Variants in OXR1 observed in about 807,000 individuals in gnomAD.
The protein encoded by OXR1 is oxidation resistance protein 1.
Under a neutral mutation model 104.6 loss-of-function variants are expected in OXR1, and 41 were observed. The observed-to-expected ratio is 0.39, with a 90% CI of 0.31 to 0.51. OXR1 has a LOEUF of 0.51. OXR1 is among the 20% of genes least tolerant of loss of function. OXR1 has a pLI of 0.77. For missense variants in OXR1, 955 were observed against 1,031.9 expected, an observed-to-expected ratio of 0.93 and a Z score of 1.02; for synonymous variants, 348 against 348.4, an observed-to-expected ratio of 1.00 and a Z score of 0.01.
At chr8:106,355,297 T>C (rs1815916489) in intron 1 of OXR1, among the ~76,000 whole-genome samples, 1 of 152,144 alleles carries the variant, frequency 6.6e-6, no homozygotes, top group Non-Finnish European at 1.5e-5. Flanking sequence ...TGGAGATTTG[T>C]GTTAAGATTA....
intron 1 of OXR1, among the ~76,000 whole-genome samples, chr8:106,278,018 T>G (rs747197072): frequency 3.3e-5 from 5 of 152,210 alleles, no homozygotes; most frequent in Non-Finnish European, 7.3e-5. Context: ...TGTTACTGTT[T>G]GGCCCCAAAG....
At chr8:106,408,942 C>T (rs537949016) in intron 2 of OXR1, among the ~76,000 whole-genome samples, 2 of 152,232 alleles carry the variant, frequency 1.3e-5, no homozygotes, top group South Asian at 4.2e-4. Context: ...GAACGTCAGG[C>T]ACGCGGATGA....
chr8:106,535,249 G>C (rs1814417862), intron 3 of OXR1, among the ~76,000 whole-genome samples: 1 of 152,094 alleles, frequency 6.6e-6, no homozygotes, highest in African/African-American at 2.4e-5. Context: ...ATAACAGCAG[G>C]CTGGCTCCCC....
intron 3 of OXR1, among the ~76,000 whole-genome samples, chr8:106,645,679 T>G (rs572619926): frequency 6.6e-6 from 1 of 152,264 alleles, no homozygotes; most frequent in East Asian, 1.9e-4. Flanking sequence ...TTGGGCTGAT[T>G]CACCTGGGGA....
intron 2 of OXR1, among the ~76,000 whole-genome samples, chr8:106,403,622 T>C (rs1417529633): frequency 4.6e-5 from 7 of 152,234 alleles, no homozygotes; most frequent in African/African-American, 1.7e-4. Context: ...TCCTTGAGCC[T>C]TTGAATTTTT....
At chr8:106,720,767 T>A in intron 11 of OXR1, 1 of 874,618 alleles carries the variant, frequency 1.1e-6, no homozygotes, top group Non-Finnish European at 1.4e-6. Flanking sequence ...CTTTGAACTT[T>A]GTCTTCTTCA....
intron 3 of OXR1, among the ~76,000 whole-genome samples, chr8:106,583,708 A>C (rs1818419199): frequency 6.6e-6 from 1 of 152,164 alleles, no homozygotes; most frequent in Admixed American, 6.5e-5. Flanking sequence ...TACAGTGTGG[A>C]ACTCCTGAAA....
intron 2 of OXR1, among the ~76,000 whole-genome samples, chr8:106,429,639 G>A (rs1415988781): frequency 1.4e-5 from 2 of 140,922 alleles, no homozygotes; most frequent in South Asian, 2.2e-4. Flanking sequence ...CAGCCTGGGC[G>A]ACAGAGCAAG....
chr8:106,304,198 C>A (rs772896601), intron 1 of OXR1, among the ~76,000 whole-genome samples: 1 of 152,076 alleles, frequency 6.6e-6, no homozygotes, highest in Non-Finnish European at 1.5e-5. Context: ...ACCTCAAATT[C>A]CTAAATATTT....
At chr8:106,679,593 C>T (rs776932) in intron 4 of OXR1, among the ~76,000 whole-genome samples, 90,210 of 151,674 alleles carry the variant, frequency 0.59, 27,475 homozygotes, top group African/African-American at 0.73. Context: ...ATTTTTAGTT[C>T]TTTAGAAATG....
At chr8:106,736,174 C>A (rs3080474) in intron 11 of OXR1, among the ~76,000 whole-genome samples, 44,280 of 148,770 alleles carry the variant, frequency 0.3, 8,380 homozygotes, top group African/African-American at 0.54. Context: ...CACCCCCCCC[C>A]ATCCGCCCCC....
chr8:106,377,659 T>C (rs560112688), intron 2 of OXR1, among the ~76,000 whole-genome samples: 4 of 152,122 alleles, frequency 2.6e-5, no homozygotes, highest in African/African-American at 4.8e-5. Flanking sequence ...GTCATCCGAG[T>C]TTCTGAAATT....
At chr8:106,291,901 G>A (rs1812771316) in intron 1 of OXR1, among the ~76,000 whole-genome samples, 1 of 152,130 alleles carries the variant, frequency 6.6e-6, no homozygotes, top group Non-Finnish European at 1.5e-5. Context: ...CATGAGAACA[G>A]CAAGGGAAAA....
intron 7 of OXR1, among the ~76,000 whole-genome samples, chr8:106,702,519 G>A (rs1241289323): frequency 6.6e-6 from 1 of 152,062 alleles, no homozygotes; most frequent in African/African-American, 2.4e-5. Context: ...TATTGAGTCT[G>A]CACTGTATAC....
At chr8:106,319,106 T>G (rs1015310325) in intron 1 of OXR1, among the ~76,000 whole-genome samples, 5 of 152,228 alleles carry the variant, frequency 3.3e-5, no homozygotes, top group Admixed American at 2.6e-4. Context: ...AAAATTAATT[T>G]AATAACTAGC....
At position 106,706,642 on chromosome 8, in the gene OXR1, A is replaced by T; in HGVS notation, c.1121A>T (p.Asn374Ile). The T allele has an allele frequency of 6.2e-7, 1 of 1,613,688 alleles. No individual in the cohort carries two copies. Among genetic ancestry groups the T allele is most frequent in the Non-Finnish European group, 8.5e-7 (1 of 1,179,868 alleles). ...TCATCAGAATCTGTGCAAACTGTCA[A>T]TCAGGCTGAAGTAGAAAGTCTGACA... Reference protein sequence around the residue: ...GASSESVQTVNQAEVESLTVK... With the variant: ...GASSESVQTVIQAEVESLTVK... The change falls in exon 9 of 17, where the codon AAT (asparagine) becomes ATT (isoleucine). Residue 374 changes from asparagine (N) to isoleucine (I), a missense_variant. This residue lies in a region of OXR1 where 849 missense variants were observed against 852.9 expected (regional missense o/e 1.00). Coordinates refer to ENST00000517566, the MANE Select transcript of OXR1 (RefSeq NM_001198533.2).
intron 3 of OXR1, among the ~76,000 whole-genome samples, chr8:106,523,777 AT>A (rs34364900): frequency 2.4e-3 from 354 of 145,482 alleles, no homozygotes; most frequent in Middle Eastern, 3.5e-3. Context: ...TGGAGTGGAA[AT>A]TTTTTTTTTT....
chr8:106,554,413 C>T (rs1359725070), intron 3 of OXR1, among the ~76,000 whole-genome samples: 1 of 152,162 alleles, frequency 6.6e-6, no homozygotes, highest in East Asian at 1.9e-4. Context: ...CCTCCATTTT[C>T]AGGATCTAAT....
At chr8:106,630,479 C>T (rs748436735) in intron 3 of OXR1, among the ~76,000 whole-genome samples, 7 of 152,270 alleles carry the variant, frequency 4.6e-5, no homozygotes, top group East Asian at 1.9e-4. Flanking sequence ...ATTTTGATTC[C>T]GTACTATGTT....
Sources: gnomAD v4.1 joint callset for allele counts (sites outside exome capture counted in the v4.1 genomes callset) on GRCh38, gnomAD v4.1.1 for gene constraint, gnomAD v4.1.1 regional missense constraint, MANE v1.5 for transcripts, NCBI Gene and HGNC (gene_info 2026-07-23, HGNC 2026-07-21) for gene names.